The following SCLT1 variants were observed in gnomAD, a reference collection of about 807,000 sequenced individuals.
SCLT1 encodes the protein sodium channel-associated protein 1.
In SCLT1, 78 loss-of-function variants were observed where a neutral mutation model predicts 112.8. The ratio of observed to expected loss-of-function variants is 0.69; its 90% CI spans 0.58 to 0.83. The LOEUF (loss-of-function observed/expected upper bound fraction) is 0.83, where lower values mean the gene tolerates loss of function less well. Ranked by LOEUF, SCLT1 falls within the 40% of genes least tolerant of loss-of-function variation. SCLT1 has a pLI of 0.00. For synonymous variants in SCLT1, 257 were observed against 254.7 expected (o/e 1.01, Z -0.09); for missense variants, 747 against 770.4 (o/e 0.97, Z 0.36).
At chr4:128,969,851 A>C (rs1402035731) in intron 10 of SCLT1, among the ~76,000 whole-genome samples, 1 of 152,196 alleles carries the variant, frequency 6.6e-6, no homozygotes, top group Non-Finnish European at 1.5e-5. Context: ...ATTATTAGAA[A>C]TCTATAATCA....
chr4:129,024,223 G>A (rs964934115), intron 5 of SCLT1, among the ~76,000 whole-genome samples: 1 of 152,198 alleles, frequency 6.6e-6, no homozygotes, highest in African/African-American at 2.4e-5. Context: ...ATCTGAGAAC[G>A]GGCAGACTGC....
chr4:129,030,333 G>C (rs548477077), intron 5 of SCLT1, among the ~76,000 whole-genome samples: 1 of 152,246 alleles, frequency 6.6e-6, no homozygotes, highest in African/African-American at 2.4e-5. Context: ...GAAATTTATA[G>C]CACTAAATGC....
chr4:128,974,564 T>C lies in SCLT1; in HGVS notation c.687-4096A>G, dbSNP rs572300128. Among the ~76,000 whole-genome samples, 7 of 152,262 alleles carry C rather than the reference T, an allele frequency of 4.6e-5. No homozygotes were observed. In the South Asian group the frequency reaches 1.2e-3, roughly 27 times the overall value. ...CCTATCCTGAATGTGTTCTGGACGCTAGATGCTTGCCTATGTTCTTTTTCT... is the reference window on the plus strand; with the variant it reads ...CCTATCCTGAATGTGTTCTGGACGCCAGATGCTTGCCTATGTTCTTTTTCT... On this transcript the variant is annotated intron_variant, in intron 9 of 20. Coordinates refer to ENST00000281142, the MANE Select transcript of SCLT1 (RefSeq NM_144643.4).
rs1014022575 is a variant in SCLT1 at position 128,949,733 on chromosome 4, T to C, written c.1219-1163A>G. ...CTCATCCTTTTTTATGGCTGTATAG[T>C]ATTCCATGGTGTATATGTGCCACAT... On this transcript the variant is annotated intron_variant, in intron 14 of 20. Coordinates refer to ENST00000281142, the MANE Select transcript of SCLT1 (RefSeq NM_144643.4). Among the ~76,000 whole-genome samples the C allele has an allele frequency of 5.9e-5, 9 of 151,432 alleles. No homozygotes were observed. In the East Asian group the frequency reaches 1.7e-3, roughly 29 times the overall value.
At chr4:129,076,601 T>A (rs72926066) in intron 2 of SCLT1, among the ~76,000 whole-genome samples, 1 of 151,642 alleles carries the variant, frequency 6.6e-6, no homozygotes, top group Non-Finnish European at 1.5e-5. Flanking sequence ...TAACCTTAGC[T>A]CCCTCAGTAG....
intron 2 of SCLT1, among the ~76,000 whole-genome samples, chr4:129,059,563 TCA>T (rs1333530446): frequency 2.0e-5 from 3 of 152,328 alleles, no homozygotes; most frequent in East Asian, 3.9e-4. Flanking sequence ...ATGAATTTTC[TCA>T]GTTTGTGTTT....
At chr4:129,090,461 C>T (rs1752738789) in intron 1 of SCLT1, among the ~76,000 whole-genome samples, 1 of 152,070 alleles carries the variant, frequency 6.6e-6, no homozygotes, top group Non-Finnish European at 1.5e-5. Context: ...ACTGTATGAA[C>T]CATAGATCTA....
chr4:129,038,671 A>G (rs1206251465), intron 5 of SCLT1, among the ~76,000 whole-genome samples: 1 of 152,186 alleles, frequency 6.6e-6, no homozygotes, highest in African/African-American at 2.4e-5. Flanking sequence ...GTAGGCTGAA[A>G]AGTTTTCATT....
Position 129,039,390 on chromosome 4 carries a change from T to G in SCLT1, c.235-294A>C, listed in dbSNP as rs1036482386. Reference sequence around the variant, plus strand: ...GTAGTTGTGAAAAACAGATGAAAGATATTCTGGAGTATGTCACTATAACAA... The same window carrying G: ...GTAGTTGTGAAAAACAGATGAAAGAGATTCTGGAGTATGTCACTATAACAA... On this transcript the variant is annotated intron_variant, in intron 4 of 20. Transcript: ENST00000281142. The G allele has an allele frequency of 7.3e-5, 19 of 261,504 alleles. No homozygotes were observed. In the East Asian group the frequency reaches 1.7e-3, roughly 24 times the overall value. 16.2% of individuals were successfully genotyped at this position (261,504 alleles called of 1,614,324 possible).
intron 5 of SCLT1, among the ~76,000 whole-genome samples, chr4:129,035,201 A>G (rs1052746790): frequency 3.9e-5 from 6 of 152,136 alleles, no homozygotes; most frequent in Non-Finnish European, 7.4e-5. Flanking sequence ...CTCTTCTTCT[A>G]ATCTTCTCAT....
At chr4:129,058,066 G>C (rs1358305287) in intron 2 of SCLT1, among the ~76,000 whole-genome samples, 1 of 152,056 alleles carries the variant, frequency 6.6e-6, no homozygotes, top group East Asian at 1.9e-4. Flanking sequence ...TTGTGTTTCT[G>C]TGGTATCATA....
intron 18 of SCLT1, among the ~76,000 whole-genome samples, chr4:128,935,172 T>C (rs1472735640): frequency 6.7e-6 from 1 of 149,348 alleles, no homozygotes; most frequent in Admixed American, 6.6e-5. Context: ...CTGGTAATGA[T>C]TTTTTTTTGT....
intron 9 of SCLT1, chr4:128,971,301 C>G (rs1740673575): frequency 6.6e-6 from 1 of 152,074 alleles, no homozygotes; most frequent in Non-Finnish European, 1.5e-5. Flanking sequence ...TGCTATAGAA[C>G]TTACAGAAAT....
intron 1 of SCLT1, 32 bp downstream of exon 1, chr4:129,093,038 T>C (rs775973486): frequency 3.4e-6 from 5 of 1,484,080 alleles, no homozygotes; most frequent in Non-Finnish European, 4.7e-6. Flanking sequence ...TTAAACATTG[T>C]ATATGAAGTC....
At position 128,873,265 on chromosome 4, in the gene SCLT1, A is replaced by G. The variant is rs561727304; in HGVS notation, n.408-22T>C. 4.9e-3 allele frequency: 739 copies of G among 149,740 alleles called. 6 individuals carry two copies. Among genetic ancestry groups the G allele is most frequent in the Non-Finnish European group, 8.4e-3 (565 of 67,390 alleles). 9.3% of individuals were successfully genotyped at this position (149,740 alleles called of 1,614,324 possible). On this transcript the variant is annotated intron_variant and non_coding_transcript_variant, in intron 5 of 7. Transcript: ENST00000503565. ...ATTCCTTAAGAAAAAGGAAAAAAAA[A>G]AAAAAAAGAAAAAAAGAAAAAAAAA...
intron 16 of SCLT1, among the ~76,000 whole-genome samples, chr4:128,945,139 A>G (rs1046298676): frequency 2.0e-5 from 3 of 152,198 alleles, no homozygotes; most frequent in Admixed American, 2.0e-4. Context: ...TTTACTGTAC[A>G]CACGCAAAAT....
intron 2 of SCLT1, among the ~76,000 whole-genome samples, chr4:129,051,715 C>T (rs994341746): frequency 2.0e-5 from 3 of 152,058 alleles, no homozygotes; most frequent in African/African-American, 7.2e-5. Flanking sequence ...AACATCCTTT[C>T]TTTCTTTCTC....
At chr4:128,980,215 A>G (rs1001982503) in intron 9 of SCLT1, among the ~76,000 whole-genome samples, 1 of 152,208 alleles carries the variant, frequency 6.6e-6, no homozygotes, top group African/African-American at 2.4e-5. Context: ...CATGAATTCC[A>G]GATTTCCATA....
chr4:129,039,627 C>G (rs115360243), intron 4 of SCLT1: 3 of 157,024 alleles, frequency 1.9e-5, no homozygotes, highest in Non-Finnish European at 4.2e-5. Context: ...CCATACAAGG[C>G]GCTAAGGTAA....
Sources: allele counts gnomAD v4.1 joint callset (sites outside exome capture counted in the v4.1 genomes callset), GRCh38; gene constraint gnomAD v4.1.1; transcripts MANE v1.5; gene names NCBI Gene and HGNC (gene_info 2026-07-23, HGNC 2026-07-21).